The following CELF2 variants were observed in gnomAD, a reference collection of about 807,000 sequenced individuals.
CELF2 encodes CUG triplet repeat RNA-binding protein 2.
CELF2 carries 8 observed loss-of-function variants against 62.6 expected under a neutral mutation model. The observed-to-expected ratio is 0.13, with a 90% CI of 0.07 to 0.23. The LOEUF (loss-of-function observed/expected upper bound fraction) is 0.23. CELF2 is among the 10% of genes least tolerant of loss of function. CELF2 has a pLI of 1.00. For synonymous variants in CELF2, 258 were observed against 250.0 expected (o/e 1.03, Z -0.30); for missense variants, 333 against 671.0 (o/e 0.50, Z 5.56).
chr10:10,961,133 G>T (rs572866989), intron 2 of CELF2, among the ~76,000 whole-genome samples: 1 of 152,142 alleles, frequency 6.6e-6, no homozygotes, highest in Non-Finnish European at 1.5e-5. Context: ...AAATTGGAAG[G>T]CATCTGTTGT....
At chr10:11,147,436 G>A (rs1403214752) in intron 1 of CELF2, among the ~76,000 whole-genome samples, 2 of 152,228 alleles carry the variant, frequency 1.3e-5, no homozygotes, top group Admixed American at 6.5e-5. Flanking sequence ...TTTAGAGGTA[G>A]AAGTAATTAA....
chr10:10,549,172 T>C, the CELF2 span, among the ~76,000 whole-genome samples: 1 of 152,202 alleles, frequency 6.6e-6, no homozygotes, highest in African/African-American at 2.4e-5. Context: ...TTGCTTGGGC[T>C]ACCATAACAA....
chr10:10,555,281 C>CTTTT, the CELF2 span, among the ~76,000 whole-genome samples: 430 of 146,090 alleles, frequency 2.9e-3, 1 homozygote, highest in African/African-American at 9.8e-3. Flanking sequence ...GCCAGAAAGT[C>CTTTT]TTTTTTTTTT....
upstream of CELF2, chr10:10,794,575 C>T (rs998578646): frequency 1.4e-5 from 2 of 146,178 alleles, no homozygotes; most frequent in African/African-American, 5.0e-5. Context: ...GTATTTCTTT[C>T]GTAACAAACC....
intron 1 of CELF2, among the ~76,000 whole-genome samples, chr10:11,024,142 G>A (rs1307594689): frequency 1.3e-5 from 2 of 152,058 alleles, no homozygotes; most frequent in African/African-American, 4.8e-5. Context: ...ACTTAAGGTT[G>A]GGTTTTAAAT....
chr10:11,122,153 G>A (rs899278673), intron 1 of CELF2, among the ~76,000 whole-genome samples: 1 of 152,150 alleles, frequency 6.6e-6, no homozygotes, highest in East Asian at 1.9e-4. Flanking sequence ...TCAATGCATA[G>A]CACTATTCGT....
intron 1 of CELF2, among the ~76,000 whole-genome samples, chr10:11,032,119 A>G (rs2060206232): frequency 7.0e-6 from 1 of 142,438 alleles, no homozygotes; most frequent in Non-Finnish European, 1.5e-5. Context: ...ATGTCTTTAC[A>G]TCTCCCAGCT....
intron 1 of CELF2, among the ~76,000 whole-genome samples, chr10:11,061,385 G>A (rs2066685092): frequency 6.6e-6 from 1 of 152,238 alleles, no homozygotes; most frequent in Admixed American, 6.5e-5. Context: ...AGCTAGCAGA[G>A]GTTGGGTGAT....
chr10:10,749,960 C>A, the CELF2 span, among the ~76,000 whole-genome samples: 2 of 152,180 alleles, frequency 1.3e-5, no homozygotes, highest in Admixed American at 1.3e-4. Flanking sequence ...CACCTACCCT[C>A]AATTCAAATG....
intron 1 of CELF2, among the ~76,000 whole-genome samples, chr10:11,122,940 A>G (rs2131534494): frequency 6.6e-6 from 1 of 152,298 alleles, no homozygotes; most frequent in African/African-American, 2.4e-5. Flanking sequence ...AGGAGGCAGG[A>G]GAGCATCTCT....
At chr10:10,675,661 T>C in the CELF2 span, among the ~76,000 whole-genome samples, 1 of 152,122 alleles carries the variant, frequency 6.6e-6, no homozygotes, top group Non-Finnish European at 1.5e-5. Context: ...CAGTCTTTGT[T>C]CTCTTTGCTT....
chr10:10,567,863 G>A, the CELF2 span, among the ~76,000 whole-genome samples: 4 of 152,066 alleles, frequency 2.6e-5, no homozygotes, highest in Admixed American at 2.6e-4. Flanking sequence ...GCATACCACA[G>A]GGTCTAAAAC....
At chr10:10,574,884 T>TTTTTTTTTTTTTTTTTTTTTTTG in the CELF2 span, among the ~76,000 whole-genome samples, 1 of 91,622 alleles carries the variant, frequency 1.1e-5, no homozygotes, top group Non-Finnish European at 2.3e-5. Context: ...TTTTTTTTTT[T>TTTTTTTTTTTTTTTTTTTTTTTG]TTTTTTTTTT....
chr10:10,995,399 T>C lies in CELF2; in HGVS notation c.89+75400T>C, dbSNP rs1468761459. ...CTATTTTTATGCTTGGTGCTTGATA[T>C]TTAAGCTCAGCCCTGAAGGATACAC... is the stretch of plus-strand genomic sequence containing the variant. On this transcript the variant is annotated intron_variant, in intron 2 of 13. Transcript: ENST00000636488. This position sits in a 1 kb window ranked among gnomAD's most constrained non-coding sequence, Gnocchi z 4.7. Among the ~76,000 whole-genome samples, 1 of 152,198 alleles carries C rather than the reference T, an allele frequency of 6.6e-6. No homozygotes were observed. The highest frequency in any genetic ancestry group is 1.5e-5 in the Non-Finnish European group (1 of 68,030).
At chr10:10,842,345 G>A (rs1284264659) in intron 1 of CELF2, among the ~76,000 whole-genome samples, 1 of 151,996 alleles carries the variant, frequency 6.6e-6, no homozygotes, top group African/African-American at 2.4e-5. Context: ...AGAGTGATAA[G>A]AAAGGACATC....
chr10:11,024,569 C>G (rs981709331), intron 1 of CELF2, among the ~76,000 whole-genome samples: 1 of 152,102 alleles, frequency 6.6e-6, no homozygotes, highest in Non-Finnish European at 1.5e-5. Flanking sequence ...GCATTACACT[C>G]CAGCCTGGGC....
At chr10:10,658,557 A>G in the CELF2 span, among the ~76,000 whole-genome samples, 1 of 152,230 alleles carries the variant, frequency 6.6e-6, no homozygotes, top group Non-Finnish European at 1.5e-5. Context: ...CTAGGAAACC[A>G]AAATCTTGGC....
upstream of CELF2, chr10:11,005,169 A>G (rs1348728039): frequency 3.0e-6 from 3 of 984,660 alleles, no homozygotes; most frequent in Non-Finnish European, 2.4e-6. The surrounding 1 kb of genome is among the most constrained non-coding windows in gnomAD (Gnocchi z 4.3). Flanking sequence ...AGAGAGGATT[A>G]TTTCTACTTA....
At chr10:10,712,511 C>T in the CELF2 span, among the ~76,000 whole-genome samples, 1 of 151,790 alleles carries the variant, frequency 6.6e-6, no homozygotes, top group Non-Finnish European at 1.5e-5. Flanking sequence ...GTTTATAGGC[C>T]CTCCTTTCCT....
Sources: gnomAD v4.1 joint callset for allele counts (sites outside exome capture counted in the v4.1 genomes callset) on GRCh38, gnomAD v4.1.1 for gene constraint, Gnocchi (gnomAD v3.1) non-coding constraint, MANE v1.5 for transcripts, NCBI Gene and HGNC (gene_info 2026-07-23, HGNC 2026-07-21) for gene names.